The following BRD8 variants were observed in gnomAD, a reference collection of about 807,000 sequenced individuals.
BRD8 encodes the protein bromodomain-containing protein 8.
In BRD8, 67 loss-of-function variants were observed where a neutral mutation model predicts 143.1. The ratio of observed to expected loss-of-function variants is 0.47; its 90% CI spans 0.38 to 0.57. The LOEUF is 0.57. Among genes scored for constraint, BRD8 ranks in the 20% least tolerant of loss-of-function variants. The probability of loss-of-function intolerance (pLI) is 0.00; values close to 1 mark genes in which losing one functional copy is unlikely to be tolerated. For missense variants in BRD8, 1,103 were observed against 1,503.0 expected, an observed-to-expected ratio of 0.73 and a Z score of 4.40; for synonymous variants, 505 against 517.1, an observed-to-expected ratio of 0.98 and a Z score of 0.32.
chr5:138,140,358 A>G (rs902203306), intron 26 of BRD8, among the ~76,000 whole-genome samples, 192 bp from the exon 27 acceptor site: 3 of 152,226 alleles, frequency 2.0e-5, no homozygotes, highest in Admixed American at 6.5e-5. Flanking sequence ...GTGAACGTAC[A>G]TTAATAACAA....
chr5:138,166,493 A>T, intron 10 of BRD8, 25 bp downstream of exon 10: 1 of 1,515,218 alleles, frequency 6.6e-7, no homozygotes, highest in Non-Finnish European at 8.9e-7. Context: ...GAAATTTTAG[A>T]TCTAGTGGCT....
In BRD8 at chr5:138,147,592, TG is replaced by T. The variant is rs764696110; in HGVS notation, c.3279-1715del. ...GAAAGGCTGAGGCAGGAGAATCACT[TG>T]AGGCCAGGAGTCACAGATAAAAACA... On this transcript the variant is annotated intron_variant, in intron 23 of 26. Coordinates refer to ENST00000254900, the MANE Select transcript of BRD8 (RefSeq NM_139199.2). 5.3e-5 allele frequency among the ~76,000 whole-genome samples: 8 copies of T among 152,278 alleles called. No individual in the cohort carries two copies. The East Asian group carries it at 1.5e-3, about 29-fold the overall frequency.
chr5:138,170,417 G>A lies in BRD8; in HGVS notation c.441-8C>T, dbSNP rs752409193. On this transcript the variant is annotated splice_region_variant and splice_polypyrimidine_tract_variant and intron_variant, in intron 6 of 26. Transcript: ENST00000254900. ...TCTTCCAATTTCTTTTTCCTAAACA[G>A]GGAATTAAGGGTTAGATGCTAGACA... The A allele has an allele frequency of 1.9e-5, 31 of 1,613,786 alleles. No individual in the cohort carries two copies. In the African/African-American group the frequency reaches 3.9e-4, roughly 20 times the overall value.
intron 2 of BRD8, among the ~76,000 whole-genome samples, chr5:138,174,973 C>T (rs1387030429): frequency 6.6e-6 from 1 of 151,704 alleles, no homozygotes; most frequent in African/African-American, 2.4e-5. Context: ...CACTGCAAGC[C>T]CCGCCTCCTG....
At chr5:138,147,869 C>T (rs1026089197) in intron 23 of BRD8, among the ~76,000 whole-genome samples, 6 of 151,554 alleles carry the variant, frequency 4.0e-5, no homozygotes, top group Non-Finnish European at 5.9e-5. Flanking sequence ...GCCCAGGAGG[C>T]GGAGGCTGAA....
rs760137740 is a variant in BRD8 at position 138,166,037 on chromosome 5, T to C, written c.1069A>G (p.Ser357Gly). ...DPHTVTVSMD[S>G]SEISMIINSI... ...TTGATGATCATGGATATTTCACTGC[T>C]GTCCATGGAAACAGTCACAGTATGT... The change falls in exon 11 of 27, where the codon AGC becomes GGC. Residue 357 changes from serine (S) to glycine (G), a missense_variant. Transcript: ENST00000254900. 3.1e-6 allele frequency: 5 copies of C among 1,614,194 alleles called. No homozygotes were observed. The highest frequency in any genetic ancestry group is 4.2e-6 in the Non-Finnish European group (5 of 1,180,014).
At chr5:138,165,313 G>T in intron 11 of BRD8, 147 bp from the exon 12 acceptor site, 1 of 813,754 alleles carries the variant, frequency 1.2e-6, no homozygotes, top group Non-Finnish European at 1.9e-6. Flanking sequence ...AGAGGCACCT[G>T]TCCTGTGCAA....
Position 138,177,678 on chromosome 5 carries a change from G to GATA in BRD8, c.20-12_20-11insTAT. Reference sequence around the variant, plus strand: ...TTAGCAGCTTGTGTTCTGGGAAAGGGAGAAAAAAAAAAAAGCCTTGGAAAC... The same window carrying GATA: ...TTAGCAGCTTGTGTTCTGGGAAAGGGATAAGAAAAAAAAAAAAGCCTTGGAAAC... On this transcript the variant is annotated splice_polypyrimidine_tract_variant and intron_variant, in intron 1 of 26. Coordinates refer to ENST00000254900, the MANE Select transcript of BRD8 (RefSeq NM_139199.2). 80 of 1,247,282 alleles carry GATA rather than the reference G, an allele frequency of 6.4e-5. No individual in the cohort carries two copies. Among genetic ancestry groups the GATA allele is most frequent in the African/African-American group, 1.2e-4 (4 of 33,960 alleles). The allele number at this position is 1,247,282 out of a possible 1,614,324, so 77.3% of individuals were successfully genotyped here. A position where few individuals can be genotyped will look rare whatever the true frequency, so the allele number is the denominator to read the frequency against.
intron 23 of BRD8, among the ~76,000 whole-genome samples, chr5:138,148,173 A>G (rs1752233367): frequency 1.3e-5 from 2 of 151,424 alleles, no homozygotes; most frequent in African/African-American, 4.8e-5. Context: ...AAAAAAAAAA[A>G]AAAGAAAAAA....
rs748478310 is a variant in BRD8 at position 138,161,915 on chromosome 5, G to A, written c.2181-51C>T. 1.9e-6 allele frequency: 3 copies of A among 1,601,096 alleles called. No individual in the cohort carries two copies. The East Asian group carries it at 6.7e-5, about 36-fold the overall frequency. Reference sequence around the variant, plus strand: ...TACTGACATTCTCCAGAAGTGCAGGGAGGGAACTTACTCTAAGTAACTAAA... The same window carrying A: ...TACTGACATTCTCCAGAAGTGCAGGAAGGGAACTTACTCTAAGTAACTAAA... On this transcript the variant is annotated intron_variant, in intron 16 of 26. Coordinates refer to ENST00000254900, the MANE Select transcript of BRD8 (RefSeq NM_139199.2).
In BRD8 at chr5:138,164,825, C is replaced by G; in HGVS notation, c.1620G>C (p.Arg540Ser). 1.2e-6 allele frequency: 2 copies of G among 1,614,248 alleles called. No homozygotes were observed. The highest frequency in any genetic ancestry group is 2.7e-5 in the African/African-American group (2 of 75,058). The change falls in exon 12 of 27, where the codon AGG (arginine) becomes AGC (serine). Residue 540 changes from arginine (R) to serine (S), a missense_variant. By Grantham distance (110) the Arg-to-Ser change is moderately radical. Around this residue, in one of 7 missense-constraint regions of BRD8, gnomAD observed 139 missense variants for 139.0 expected, o/e 1.00. Coordinates refer to ENST00000254900, the MANE Select transcript of BRD8 (RefSeq NM_139199.2). ...CCAGTTCCTCATCTAAGTCCTGACT[C>G]CTGAGTTCTGGTGGCTCCATACTTG... is the stretch of plus-strand genomic sequence containing the variant. ...PATSMEPPELRSQDLDEELGS... is the reference protein window; with the variant it reads ...PATSMEPPELSSQDLDEELGS...
intron 14 of BRD8, among the ~76,000 whole-genome samples, 191 bp downstream of exon 14, chr5:138,163,896 T>C (rs1753198709): frequency 6.6e-6 from 1 of 152,264 alleles, no homozygotes. Flanking sequence ...ATTCACATGC[T>C]GTTTCATATG....
chr5:138,147,741 G>T (rs1175726973), intron 23 of BRD8, among the ~76,000 whole-genome samples: 1 of 152,198 alleles, frequency 6.6e-6, no homozygotes, highest in African/African-American at 2.4e-5. Context: ...TTTGAGACCA[G>T]TCTGGTCAAT....
rs1753805147 is a variant in BRD8 at position 138,170,824 on chromosome 5, T to C, written c.440+8A>G. On this transcript the variant is annotated splice_region_variant and intron_variant, in intron 6 of 26. Coordinates refer to ENST00000254900, the MANE Select transcript of BRD8 (RefSeq NM_139199.2). ...AGAAGCACAGAAGAACAATATAATA[T>C]AACCCACGTTGCAATGTCATTGCAA... 2 of 1,610,888 alleles carry C rather than the reference T, an allele frequency of 1.2e-6. No homozygotes were observed. The highest frequency in any genetic ancestry group is 1.1e-5 in the South Asian group (1 of 90,988).
At chr5:138,143,573 T>A (rs905540975) in intron 25 of BRD8, among the ~76,000 whole-genome samples, 3 of 152,110 alleles carry the variant, frequency 2.0e-5, no homozygotes, top group Non-Finnish European at 4.4e-5. Context: ...AGAACTTTTC[T>A]GTCTAGCTAA....
At chr5:138,142,179 G>A (rs968599421) in intron 25 of BRD8, among the ~76,000 whole-genome samples, 6 of 152,222 alleles carry the variant, frequency 3.9e-5, no homozygotes, top group Middle Eastern at 3.4e-3. Context: ...TGCCATGTGA[G>A]GATACAGCAT....
intron 6 of BRD8, 174 bp from the exon 7 acceptor site, chr5:138,170,583 C>A: frequency 1.2e-6 from 1 of 820,586 alleles, no homozygotes; most frequent in South Asian, 1.3e-5. Flanking sequence ...ACTCCCAGTT[C>A]TTCACCCAGG....
At position 138,164,212 on chromosome 5, in the gene BRD8, T is replaced by G. The variant is rs1369094599; in HGVS notation, c.1826-79A>C. On this transcript the variant is annotated intron_variant, in intron 13 of 26. Transcript: ENST00000254900. Reference sequence around the variant, plus strand: ...CCTATGGACCATAATCCCCTGCAGCTCTCCTTTACATGCTGACCTGTTCTA... The same window carrying G: ...CCTATGGACCATAATCCCCTGCAGCGCTCCTTTACATGCTGACCTGTTCTA... 15 of 1,580,370 alleles carry G rather than the reference T, an allele frequency of 9.5e-6. No individual in the cohort carries two copies. The African/African-American group carries it at 2.0e-4, about 21-fold the overall frequency.
In BRD8 at chr5:138,150,924, C is replaced by A; in HGVS notation, c.2941G>T (p.Gly981Ter). 2.5e-6 allele frequency: 4 copies of A among 1,614,162 alleles called. No individual in the cohort carries two copies. Among genetic ancestry groups the A allele is most frequent in the Non-Finnish European group, 3.4e-6 (4 of 1,180,032 alleles). The change falls in exon 22 of 27, where the codon GGA becomes TGA. Residue 981 changes from glycine (G) to a stop codon, truncating the protein, a stop_gained. Coordinates refer to ENST00000254900, the MANE Select transcript of BRD8 (RefSeq NM_139199.2). LOFTEE classifies it high-confidence loss of function. ...CCPPSGTRQEGREIKASEGER... is the reference protein window; with the variant it reads ...CCPPSGTRQE ...CCTTCGCTAGCTTTAATTTCCCTTC[C>A]TTCTTGTCTGGTACCAGATGGAGGG...
Sources: gnomAD v4.1 joint callset for allele counts (sites outside exome capture counted in the v4.1 genomes callset) on GRCh38, gnomAD v4.1.1 for gene constraint, gnomAD v4.1.1 regional missense constraint, MANE v1.5 for transcripts, NCBI Gene and HGNC (gene_info 2026-07-23, HGNC 2026-07-21) for gene names.